The following KYNU variants were observed in gnomAD, a reference collection of about 807,000 sequenced individuals.
KYNU encodes kynureninase, also known as L-kynurenine hydrolase.
In KYNU, 54 loss-of-function variants were observed where a neutral mutation model predicts 59.2. The observed-to-expected ratio is 0.91, with a 90% CI of 0.73 to 1.14. KYNU has a LOEUF of 1.14. Ranked by LOEUF, KYNU falls within the 50% of genes most tolerant of loss-of-function variation. The pLI, the probability that KYNU is intolerant of heterozygous loss-of-function variation, is 0.00. For synonymous variants in KYNU, 177 were observed against 192.0 expected (o/e 0.92, Z 0.65); for missense variants, 567 against 554.4 (o/e 1.02, Z -0.23).
intron 4 of KYNU, among the ~76,000 whole-genome samples, chr2:142,927,987 A>G (rs939175035): frequency 5.3e-5 from 8 of 152,154 alleles, no homozygotes; most frequent in Admixed American, 2.6e-4. Flanking sequence ...CATACTTTAA[A>G]TGTAATATTT....
rs1046937305 is a variant in KYNU, at chr2:143,045,440, G to T, written c.*3268G>T. 2 of 152,038 alleles carry T rather than the reference G, an allele frequency of 1.3e-5. No individual in the cohort carries two copies. The highest frequency in any genetic ancestry group is 4.8e-5 in the African/African-American group (2 of 41,402). 9.4% of individuals were successfully genotyped at this position (152,038 alleles called of 1,614,324 possible). On this transcript the variant is annotated 3_prime_UTR_variant, in exon 14 of 14. Coordinates refer to ENST00000264170, the MANE Select transcript of KYNU (RefSeq NM_003937.3). ...CTCTCAGCAATATGGCCATTTTCAG[G>T]ATATTGATTCTTCCTATCTATGAGC...
chr2:142,927,325 C>T (rs894791360), intron 3 of KYNU, among the ~76,000 whole-genome samples: 38 of 152,106 alleles, frequency 2.5e-4, no homozygotes, highest in African/African-American at 8.7e-4. Context: ...CTACATTCTA[C>T]AGGTATAAAA....
intron 2 of KYNU, among the ~76,000 whole-genome samples, chr2:142,895,101 C>G (rs919129336): frequency 6.6e-6 from 1 of 152,128 alleles, no homozygotes; most frequent in African/African-American, 2.4e-5. Context: ...TATGAAATAA[C>G]TTGTTCATCA....
chr2:142,960,983 A>C (rs1684324935), intron 8 of KYNU, among the ~76,000 whole-genome samples: 1 of 151,934 alleles, frequency 6.6e-6, no homozygotes, highest in Non-Finnish European at 1.5e-5. Flanking sequence ...TCACGAGGTC[A>C]GGAGTTTGAG....
chr2:143,021,546 G>A (rs1018414093), intron 10 of KYNU, among the ~76,000 whole-genome samples: 2 of 152,134 alleles, frequency 1.3e-5, no homozygotes, highest in African/African-American at 4.8e-5. Flanking sequence ...TTGTAGAAGT[G>A]TCGGGAAACT....
intron 10 of KYNU, among the ~76,000 whole-genome samples, chr2:143,003,657 A>T (rs931851724): frequency 1.3e-5 from 2 of 152,110 alleles, no homozygotes; most frequent in African/African-American, 4.8e-5. Flanking sequence ...TTTGTCATTA[A>T]TTTTGCTTGT....
chr2:143,004,377 A>G (rs1685804719), intron 10 of KYNU, among the ~76,000 whole-genome samples: 1 of 152,192 alleles, frequency 6.6e-6, no homozygotes, highest in Non-Finnish European at 1.5e-5. Flanking sequence ...AGCTCTCAAC[A>G]TGGATAGTTC....
chr2:142,988,175 T>C (rs563756796), intron 10 of KYNU, among the ~76,000 whole-genome samples: 2 of 151,964 alleles, frequency 1.3e-5, no homozygotes, highest in East Asian at 3.9e-4. Context: ...ATTTACAATA[T>C]ACAGGAAAAA....
intron 8 of KYNU, among the ~76,000 whole-genome samples, chr2:142,979,845 A>T (rs1685001494): frequency 6.6e-6 from 1 of 152,060 alleles, no homozygotes; most frequent in Non-Finnish European, 1.5e-5. Context: ...AATCCAAGAG[A>T]CCCCAAGAGA....
At chr2:142,910,312 A>G (rs1048462947) in intron 2 of KYNU, among the ~76,000 whole-genome samples, 3 of 150,836 alleles carry the variant, frequency 2.0e-5, no homozygotes, top group Admixed American at 2.0e-4. Flanking sequence ...AATTTTTTGT[A>G]TTTTTAGTAG....
chr2:143,041,408 G>C (rs1687040701), intron 13 of KYNU, among the ~76,000 whole-genome samples: 1 of 151,964 alleles, frequency 6.6e-6, no homozygotes, highest in Non-Finnish European at 1.5e-5. Context: ...AGTTCATTAG[G>C]ATCTATTGGC....
chr2:143,002,023 C>A (rs546531704), intron 10 of KYNU, among the ~76,000 whole-genome samples: 1 of 152,108 alleles, frequency 6.6e-6, no homozygotes, highest in Admixed American at 6.5e-5. Flanking sequence ...GATTTTATAG[C>A]TTCCATACAG....
chr2:142,883,233 G>A (rs10198815), intron 1 of KYNU, among the ~76,000 whole-genome samples: 2 of 109,528 alleles, frequency 1.8e-5, no homozygotes, highest in South Asian at 3.3e-4. Context: ...TCTCGCTGTC[G>A]CCCAGGCTGG....
rs562679694 is a variant in KYNU at position 142,971,928 on chromosome 2, G to A, written c.729+11158G>A. Among the ~76,000 whole-genome samples, 8 of 152,212 alleles carry A rather than the reference G, an allele frequency of 5.3e-5. No individual in the cohort carries two copies. In the East Asian group the frequency reaches 1.4e-3, roughly 26 times the overall value. On this transcript the variant is annotated intron_variant, in intron 8 of 13. Coordinates refer to ENST00000264170, the MANE Select transcript of KYNU (RefSeq NM_003937.3). ...TTCTATTCTTTGACACACTTAGGAC[G>A]TGCAGACTGCTCCGTTAAGTCATTA...
intron 10 of KYNU, chr2:142,988,821 T>C (rs1685304258): frequency 6.5e-7 from 1 of 1,539,588 alleles, no homozygotes; most frequent in Non-Finnish European, 9.0e-7. Context: ...CCAAGTATCT[T>C]ATATTGTACT....
intron 10 of KYNU, chr2:142,989,248 T>G (rs1685318599): frequency 2.5e-6 from 1 of 392,260 alleles, no homozygotes; most frequent in Admixed American, 5.2e-5. Context: ...TATTTGCCAA[T>G]TAATAATTAT....
chr2:143,001,900 C>T (rs1441970736), intron 10 of KYNU, among the ~76,000 whole-genome samples: 1 of 152,210 alleles, frequency 6.6e-6, no homozygotes, highest in Non-Finnish European at 1.5e-5. Context: ...TCCATTTTTC[C>T]TTAGCAGCTA....
intron 4 of KYNU, among the ~76,000 whole-genome samples, chr2:142,940,806 G>A (rs1167050921): frequency 2.0e-5 from 3 of 152,138 alleles, no homozygotes; most frequent in Non-Finnish European, 4.4e-5. Flanking sequence ...CCTTACTTTA[G>A]ACGCACCAGC....
chr2:142,931,374 C>A (rs1374253787), intron 4 of KYNU, among the ~76,000 whole-genome samples: 2 of 152,114 alleles, frequency 1.3e-5, no homozygotes, highest in African/African-American at 4.8e-5. Flanking sequence ...TCTTGAGAGA[C>A]GGGTTGGTAT....
Sources: allele counts gnomAD v4.1 joint callset (sites outside exome capture counted in the v4.1 genomes callset), GRCh38; gene constraint gnomAD v4.1.1; transcripts MANE v1.5; gene names NCBI Gene and HGNC (gene_info 2026-07-23, HGNC 2026-07-21).